WRN: variants seen among roughly 807,000 people sequenced by gnomAD.
The protein encoded by WRN is bifunctional 3'-5' exonuclease/ATP-dependent helicase WRN.
WRN carries 149 observed loss-of-function variants against 180.7 expected under a neutral mutation model. The ratio of observed to expected loss-of-function variants is 0.82; its 90% confidence interval spans 0.72 to 0.94. The LOEUF (loss-of-function observed/expected upper bound fraction) is 0.94, where lower values mean the gene tolerates loss of function less well. Among genes scored for constraint, WRN ranks in the 40% least tolerant of loss-of-function variants. WRN has a pLI of 0.00. For synonymous variants in WRN, 548 were observed against 568.9 expected (o/e 0.96, Z 0.52); for missense variants, 1,661 against 1,700.1 (o/e 0.98, Z 0.40).
At position 31,111,664 on chromosome 8, in the gene WRN, A is replaced by G. The variant is rs767281534; in HGVS notation, c.2138A>G (p.Asp713Gly). 6.2e-7 allele frequency: 1 copy of G among 1,614,098 alleles called. No homozygotes were observed. The highest frequency in any genetic ancestry group is 1.1e-5 in the South Asian group (1 of 91,084). Residue 713 changes from aspartate (D) to glycine (G), a missense_variant, in exon 19 of 35, where the codon GAC becomes GGC. Asp to Gly is a moderately conservative substitution (Grantham distance 94). Around this residue, in one of 3 missense-constraint regions of WRN, gnomAD observed 1,141 missense variants for 1,149.4 expected, o/e 0.99. Transcript: ENST00000298139. ...ACTGCAAGTTCTTCAATCCGGGAAG[A>G]CATTGTACGTTGCTTAAATCTGAGA... ...TATASSSIRE[D>G]IVRCLNLRNP...
intron 3 of WRN, among the ~76,000 whole-genome samples, chr8:31,061,926 A>G (rs1258854530): frequency 6.6e-6 from 1 of 152,152 alleles, no homozygotes; most frequent in Admixed American, 6.5e-5. Context: ...GGAGTCCCTT[A>G]GGGAGATTTC....
At chr8:31,126,300 T>C (rs1205919078) in intron 23 of WRN, among the ~76,000 whole-genome samples, 3 of 152,176 alleles carry the variant, frequency 2.0e-5, no homozygotes, top group Non-Finnish European at 2.9e-5. Flanking sequence ...TGTATATTTT[T>C]TGACTAGAAT....
intron 8 of WRN, among the ~76,000 whole-genome samples, 195 bp from the exon 9 acceptor site, chr8:31,080,672 G>A (rs190297597): frequency 5.9e-5 from 9 of 152,134 alleles, no homozygotes; most frequent in Middle Eastern, 3.4e-3. Flanking sequence ...TGGTGCAGAA[G>A]TGCCTTGATG....
chr8:31,132,773 A>G (rs539218177), intron 24 of WRN, among the ~76,000 whole-genome samples: 7 of 152,294 alleles, frequency 4.6e-5, no homozygotes, highest in African/African-American at 1.7e-4. Flanking sequence ...ATCACATTGC[A>G]TTTGGGTGAA....
chr8:31,156,654 T>A (rs1331073630), intron 32 of WRN, among the ~76,000 whole-genome samples: 1 of 152,194 alleles, frequency 6.6e-6, no homozygotes, highest in Non-Finnish European at 1.5e-5. Context: ...AAAGAGAGGA[T>A]CATGAAATAA....
intron 7 of WRN, 133 bp downstream of exon 7, chr8:31,068,460 G>A: frequency 1.4e-6 from 1 of 727,954 alleles, no homozygotes. Flanking sequence ...CCTGACATTA[G>A]GGTGGGATCC....
At chr8:31,035,204 A>C (rs1585377454) in intron 1 of WRN, among the ~76,000 whole-genome samples, 2 of 152,336 alleles carry the variant, frequency 1.3e-5, no homozygotes, top group East Asian at 3.9e-4. Flanking sequence ...GGAAAGAGAC[A>C]GGCAAAAAGT....
chr8:31,100,966 C>G lies in WRN; in HGVS notation c.2088+11C>G, dbSNP rs1814203821. ...ACAGCACTGCCAATGGTAAGCTTTGCCAAGTCTGATGTCCCGAAATTACAT... is the reference window on the plus strand; with the variant it reads ...ACAGCACTGCCAATGGTAAGCTTTGGCAAGTCTGATGTCCCGAAATTACAT... On this transcript the variant is annotated intron_variant, in intron 18 of 34. Transcript: ENST00000298139. The G allele has an allele frequency of 1.2e-6, 2 of 1,607,922 alleles. No homozygotes were observed. Among genetic ancestry groups the G allele is most frequent in the Non-Finnish European group, 1.7e-6 (2 of 1,174,742 alleles).
At chr8:31,057,791 A>G (rs1038420170) in intron 1 of WRN, among the ~76,000 whole-genome samples, 2 of 151,356 alleles carry the variant, frequency 1.3e-5, no homozygotes, top group Admixed American at 6.6e-5. Flanking sequence ...ATTCTTATTC[A>G]CTGTATTTTC....
intron 9 of WRN, among the ~76,000 whole-genome samples, chr8:31,081,566 A>G (rs1481435458): frequency 6.6e-6 from 1 of 152,196 alleles, no homozygotes; most frequent in African/African-American, 2.4e-5. Flanking sequence ...TTAGTATGAT[A>G]TGCAGCATTG....
chr8:31,116,576 G>T (rs1801532871), intron 20 of WRN, 48 bp downstream of exon 20: 3 of 1,606,216 alleles, frequency 1.9e-6, no homozygotes, highest in Non-Finnish European at 2.6e-6. Context: ...AGTGGAAGTG[G>T]ATATTTCTCA....
At chr8:31,073,923 T>G (rs1347431234) in intron 7 of WRN, among the ~76,000 whole-genome samples, 80 of 141,858 alleles carry the variant, frequency 5.6e-4, no homozygotes, top group Non-Finnish European at 7.6e-5. Context: ...CTTTTCTTTC[T>G]TTTTTTTTTT....
At chr8:31,068,591 T>C (rs1280880971) in intron 7 of WRN, among the ~76,000 whole-genome samples, 1 of 152,192 alleles carries the variant, frequency 6.6e-6, no homozygotes. Flanking sequence ...GGCTTTCTTA[T>C]TGCAGTGACA....
At chr8:31,058,254 T>C (rs1205511193) in intron 1 of WRN, 118 bp from the exon 2 acceptor site, 2 of 562,382 alleles carry the variant, frequency 3.6e-6, no homozygotes, top group East Asian at 3.0e-5. Context: ...TGCAGCATAT[T>C]GTATCTGTTT....
chr8:31,121,150 C>G (rs981184366), intron 21 of WRN, among the ~76,000 whole-genome samples: 4 of 151,888 alleles, frequency 2.6e-5, no homozygotes, highest in Non-Finnish European at 4.4e-5. Flanking sequence ...ATACTTTGTT[C>G]CTTCATCCGT....
intron 17 of WRN, among the ~76,000 whole-genome samples, chr8:31,098,979 G>A (rs899495260): frequency 1.3e-5 from 2 of 151,636 alleles, no homozygotes; most frequent in East Asian, 1.9e-4. Flanking sequence ...CCAGGAGTTC[G>A]AGACCAGCCT....
At position 31,175,620 on chromosome 8, in the gene WRN, AAT is replaced by A. The variant is rs1804252190; in HGVS notation, c.*2519_*2520del. 6.6e-6 allele frequency among the ~76,000 whole-genome samples: 1 copy of A among 152,216 alleles called. No homozygotes were observed. Among genetic ancestry groups the A allele is most frequent in the Non-Finnish European group, 1.5e-5 (1 of 68,042 alleles). ...ACTTTTTGGTAAAATTTCAGAGAAC[AAT>A]GTCCACCATTATCTGAACAGGCTAT... is the stretch of plus-strand genomic sequence containing the variant. On this transcript the variant is annotated 3_prime_UTR_variant, in exon 35 of 35. Coordinates refer to ENST00000298139, the MANE Select transcript of WRN (RefSeq NM_000553.6).
chr8:31,092,439 T>TTGTGTGTG (rs142679273), intron 16 of WRN, among the ~76,000 whole-genome samples: 1 of 146,732 alleles, frequency 6.8e-6, no homozygotes, highest in Non-Finnish European at 1.5e-5. Context: ...CACACCCATT[T>TTGTGTGTG]TGTGTGTGTG....
intron 18 of WRN, among the ~76,000 whole-genome samples, chr8:31,108,533 C>T (rs951947623): frequency 6.6e-6 from 1 of 151,600 alleles, no homozygotes; most frequent in Non-Finnish European, 1.5e-5. Context: ...ATAACTAGCA[C>T]AATCCAGTGA....
Sources: allele counts gnomAD v4.1 joint callset (sites outside exome capture counted in the v4.1 genomes callset), GRCh38; gene constraint gnomAD v4.1.1; regional missense constraint gnomAD v4.1.1; transcripts MANE v1.5; gene names NCBI Gene and HGNC (gene_info 2026-07-23, HGNC 2026-07-21).